Variants in PCDHAC1 observed in about 807,000 individuals in gnomAD.
PCDHAC1 encodes the protein protocadherin alpha-C1.
A neutral mutation model predicts 60.0 loss-of-function variants in PCDHAC1; 42 were observed. The observed-to-expected ratio is 0.70, with a 90% CI of 0.55 to 0.90. PCDHAC1 has a LOEUF of 0.90. PCDHAC1 is among the 40% of genes least tolerant of loss of function. The pLI, the probability that PCDHAC1 is intolerant of heterozygous loss-of-function variation, is 0.00. For synonymous variants in PCDHAC1, 468 were observed against 499.3 expected, an observed-to-expected ratio of 0.94 and a Z score of 0.84; for missense variants, 1,160 against 1,222.3, an observed-to-expected ratio of 0.95 and a Z score of 0.76.
Position 141,010,230 on chromosome 5 carries a change from C to T in PCDHAC1, c.*293C>T. The T allele has an allele frequency of 1.3e-6, 2 of 1,551,936 alleles. No homozygotes were observed. Among genetic ancestry groups the T allele is most frequent in the African/African-American group, 1.4e-5 (1 of 73,162 alleles). Reference sequence around the variant, plus strand: ...GCAAAGGAGAGGCTTCCCAGCCCCGCCAGTGAGAGGTTGGACTCTCTGCCC... The same window carrying T: ...GCAAAGGAGAGGCTTCCCAGCCCCGTCAGTGAGAGGTTGGACTCTCTGCCC... On this transcript the variant is annotated 3_prime_UTR_variant, in exon 4 of 4. Transcript: ENST00000253807.
chr5:140,990,956 G>T (rs1179435982), intron 3 of PCDHAC1, among the ~76,000 whole-genome samples: 1 of 152,136 alleles, frequency 6.6e-6, no homozygotes, highest in Non-Finnish European at 1.5e-5. Context: ...TGTAGAAATA[G>T]TCTCTTAGAA....
chr5:140,949,313 A>G (rs989940621), intron 1 of PCDHAC1, among the ~76,000 whole-genome samples: 1 of 151,952 alleles, frequency 6.6e-6, no homozygotes, highest in Non-Finnish European at 1.5e-5. Context: ...GTAATGATTT[A>G]TAAATATAAA....
Position 141,010,319 on chromosome 5 carries a change from C to G in PCDHAC1, c.*382C>G. The G allele has an allele frequency of 6.5e-7, 1 of 1,545,436 alleles. No individual in the cohort carries two copies. Among genetic ancestry groups the G allele is most frequent in the South Asian group, 1.2e-5 (1 of 83,248 alleles). On this transcript the variant is annotated 3_prime_UTR_variant, in exon 4 of 4. Coordinates refer to ENST00000253807, the MANE Select transcript of PCDHAC1 (RefSeq NM_018898.5). ...CAGGCTGAAAAGTTTTGAGATTGAG[C>G]AGCTTGGGAGTTTGTGGCCACTGGG...
intron 1 of PCDHAC1, among the ~76,000 whole-genome samples, chr5:140,971,359 G>T (rs537725732): frequency 6.6e-5 from 10 of 152,312 alleles, no homozygotes; most frequent in Admixed American, 3.3e-4. Flanking sequence ...GGGAGATTTT[G>T]CCAGGAGAGT....
Position 140,927,036 on chromosome 5 carries a change from C to T in PCDHAC1, c.144C>T (p.Ala48=), listed in dbSNP as rs137875923. 7.2e-5 allele frequency: 116 copies of T among 1,612,314 alleles called. No individual in the cohort carries two copies. In the African/African-American group the frequency reaches 1.3e-3, roughly 19 times the overall value. ...CCGCGGACTTGAGGCTGCCAGCGGC[C>T]GCTATGTCCTCGCGGAACTTTCGCT... The part of the protein sequence containing the change: ...NLSADLRLPA[A]AMSSRNFRFL... The change falls in exon 1 of 4, where the codon GCC becomes GCT. Residue 48 remains alanine (A), a synonymous_variant. Coordinates refer to ENST00000253807, the MANE Select transcript of PCDHAC1 (RefSeq NM_018898.5).
intron 3 of PCDHAC1, among the ~76,000 whole-genome samples, chr5:141,001,297 A>G (rs1367498675): frequency 1.3e-5 from 2 of 152,202 alleles, no homozygotes; most frequent in African/African-American, 2.4e-5. Context: ...ACTGAGGCCC[A>G]GAGATATGAA....
chr5:140,972,832 T>G (rs1209140344), intron 1 of PCDHAC1, among the ~76,000 whole-genome samples: 9 of 151,882 alleles, frequency 5.9e-5, no homozygotes. Flanking sequence ...CCTGGCTAAT[T>G]TTTGTATTTT....
At position 140,927,570 on chromosome 5, in the gene PCDHAC1, A is replaced by G. The variant is rs568227710; in HGVS notation, c.678A>G (p.Thr226=). 5.0e-5 allele frequency: 80 copies of G among 1,614,066 alleles called. 1 individual carries two copies. Among genetic ancestry groups the G allele is most frequent in the Middle Eastern group, 4.9e-4 (3 of 6,084 alleles). The change falls in exon 1 of 4, where the codon ACA becomes ACG. Residue 226 remains threonine, a synonymous_variant. Transcript: ENST00000253807. ...DAQVTIIVVD[T]NDNAPVFERS... ...AAGTCACCATCATTGTGGTGGACAC[A>G]AATGACAACGCGCCTGTATTTGAGC...
At chr5:141,009,262 C>T (rs2098403740) in intron 3 of PCDHAC1, among the ~76,000 whole-genome samples, 2 of 152,112 alleles carry the variant, frequency 1.3e-5, no homozygotes, top group Non-Finnish European at 2.9e-5. Flanking sequence ...TGAGACCAGC[C>T]TGGGCAACAT....
At chr5:140,966,993 G>A in intron 1 of PCDHAC1, 4 of 1,604,524 alleles carry the variant, frequency 2.5e-6, no homozygotes, top group Non-Finnish European at 3.4e-6. Context: ...GGGCCGGGTT[G>A]CTTGCGCATC....
At chr5:140,965,848 C>T (rs2095941298) in intron 1 of PCDHAC1, among the ~76,000 whole-genome samples, 1 of 152,178 alleles carries the variant, frequency 6.6e-6, no homozygotes, top group Non-Finnish European at 1.5e-5. Context: ...TTTGCCAAGG[C>T]ACACACTGAA....
At chr5:140,929,395 C>G (rs1317256449) in intron 1 of PCDHAC1, 70 bp downstream of exon 1, 8 of 1,510,412 alleles carry the variant, frequency 5.3e-6, no homozygotes, top group Non-Finnish European at 5.3e-6. Flanking sequence ...TGAAATATTT[C>G]TTAGACAAGC....
At chr5:140,951,544 G>C (rs543008494) in intron 1 of PCDHAC1, among the ~76,000 whole-genome samples, 1 of 151,878 alleles carries the variant, frequency 6.6e-6, no homozygotes, top group African/African-American at 2.4e-5. Context: ...AGCAAGGGAC[G>C]GGGGGAAGTG....
chr5:140,944,744 A>G (rs1408016136), intron 1 of PCDHAC1, among the ~76,000 whole-genome samples: 2 of 152,204 alleles, frequency 1.3e-5, no homozygotes, highest in East Asian at 3.8e-4. Context: ...CTGAGCATTT[A>G]CATGGAAAAA....
intron 1 of PCDHAC1, among the ~76,000 whole-genome samples, chr5:140,951,356 C>T (rs1362153667): frequency 6.6e-6 from 1 of 151,998 alleles, no homozygotes; most frequent in African/African-American, 2.4e-5. Flanking sequence ...CATTATTGCA[C>T]TGTTATAAAG....
intron 1 of PCDHAC1, chr5:140,968,106 C>A: frequency 6.2e-7 from 1 of 1,614,134 alleles, no homozygotes; most frequent in Non-Finnish European, 8.5e-7. Flanking sequence ...GGGGGAATAC[C>A]GCAGCTCACA....
At chr5:140,951,343 G>C (rs2094573680) in intron 1 of PCDHAC1, among the ~76,000 whole-genome samples, 1 of 151,988 alleles carries the variant, frequency 6.6e-6, no homozygotes, top group South Asian at 2.1e-4. Flanking sequence ...GTTTGTGTTA[G>C]TCCATTATTG....
chr5:140,960,031 G>A (rs1331929817), intron 1 of PCDHAC1, among the ~76,000 whole-genome samples: 4 of 152,220 alleles, frequency 2.6e-5, no homozygotes, highest in African/African-American at 7.2e-5. Flanking sequence ...TGTTAAGTCC[G>A]GCTGTTTATT....
At chr5:140,941,197 TTCTTC>T (rs1554213863) in intron 1 of PCDHAC1, among the ~76,000 whole-genome samples, 1 of 112,110 alleles carries the variant, frequency 8.9e-6, no homozygotes. Context: ...TTTTTTTTCT[TTCTTC>T]CTTTCTTTCT....
Sources: gnomAD v4.1 joint callset for allele counts (sites outside exome capture counted in the v4.1 genomes callset) on GRCh38, gnomAD v4.1.1 for gene constraint, MANE v1.5 for transcripts, NCBI Gene and HGNC (gene_info 2026-07-23, HGNC 2026-07-21) for gene names.